Variants in INSL6 observed in about 807,000 individuals in gnomAD.
The protein encoded by INSL6 is insulin like 6.
In INSL6, 16 loss-of-function variants were observed where a neutral mutation model predicts 9.4. The observed-to-expected ratio is 1.70, with a 90% CI of 1.15 to 2.59. INSL6 has a LOEUF of 2.59. Among genes scored for constraint, INSL6 ranks in the 30% most tolerant of loss-of-function variants. The pLI is 0.00. For synonymous variants in INSL6, 154 were observed against 96.9 expected (o/e 1.59, Z -3.46); for missense variants, 391 against 257.3 (o/e 1.52, Z -3.56).
chr9:5,034,885 T>C, the INSL6 span, among the ~76,000 whole-genome samples: 1 of 151,686 alleles, frequency 6.6e-6, no homozygotes, highest in East Asian at 1.9e-4. Context: ...ATAACTGAGA[T>C]CAGAGCAGAA....
the INSL6 span, chr9:5,112,846 G>A: frequency 2.4e-5 from 12 of 507,822 alleles, no homozygotes; most frequent in Admixed American, 3.9e-5. Context: ...CTGGGCACGT[G>A]TGAAAGGTAC....
the INSL6 span, chr9:5,090,544 C>G: frequency 6.3e-7 from 1 of 1,592,956 alleles, no homozygotes. Context: ...CATAAAACTT[C>G]TGCAGTACAC....
At chr9:5,122,940 C>T, downstream of INSL6, 2 of 932,134 alleles carry the variant, frequency 2.1e-6, no homozygotes, top group Non-Finnish European at 3.3e-6. Context: ...CAATGATTTG[C>T]AGGTAAAATC....
chr9:5,130,701 C>CT (rs780200169), intron 3 of INSL6, among the ~76,000 whole-genome samples: 4 of 150,462 alleles, frequency 2.7e-5, no homozygotes, highest in African/African-American at 7.3e-5. Flanking sequence ...TATGAATTTT[C>CT]TTTTTTTTAT....
the INSL6 span, among the ~76,000 whole-genome samples, chr9:5,079,510 A>G: frequency 3.4e-5 from 5 of 148,258 alleles, no homozygotes; most frequent in African/African-American, 1.2e-4. Context: ...TTTTTTTTTT[A>G]TCTGCAAGTG....
the INSL6 span, among the ~76,000 whole-genome samples, chr9:5,077,266 G>T: frequency 6.7e-4 from 101 of 150,472 alleles, no homozygotes; most frequent in African/African-American, 2.4e-3. Context: ...TACTCTTGCT[G>T]TTGTAAGTAA....
chr9:5,027,779 C>T, the INSL6 span, among the ~76,000 whole-genome samples: 1 of 152,134 alleles, frequency 6.6e-6, no homozygotes, highest in Non-Finnish European at 1.5e-5. Flanking sequence ...CTCAAGAAAC[C>T]ACTTTCTTTG....
chr9:5,022,107 G>A, the INSL6 span: 1 of 1,613,830 alleles, frequency 6.2e-7, no homozygotes, highest in Non-Finnish European at 8.5e-7. Flanking sequence ...CAGTTCTTCA[G>A]GTGTATCTTT....
At chr9:5,161,311 A>C (rs1020721814), downstream of INSL6, among the ~76,000 whole-genome samples, 18 of 152,240 alleles carry the variant, frequency 1.2e-4, no homozygotes, top group African/African-American at 4.3e-4. Flanking sequence ...ATCTATCAAG[A>C]GAATGAAGGA....
At chr9:5,111,651 C>T in the INSL6 span, 2 of 391,790 alleles carry the variant, frequency 5.1e-6, no homozygotes, top group East Asian at 1.4e-4. Context: ...TGCCCCTCGT[C>T]CCTCCCGCCC....
the INSL6 span, among the ~76,000 whole-genome samples, chr9:5,036,134 G>A: frequency 6.6e-6 from 1 of 152,158 alleles, no homozygotes; most frequent in Non-Finnish European, 1.5e-5. Context: ...ATTCACAATT[G>A]CTTCAAAGAG....
the INSL6 span, among the ~76,000 whole-genome samples, chr9:5,009,651 A>G: frequency 1.3e-5 from 2 of 152,104 alleles, no homozygotes; most frequent in African/African-American, 4.8e-5. Context: ...CCCCTGCCCC[A>G]TCCCCATCCT....
At chr9:4,995,135 G>A in the INSL6 span, among the ~76,000 whole-genome samples, 1 of 152,150 alleles carries the variant, frequency 6.6e-6, no homozygotes, top group African/African-American at 2.4e-5. Context: ...GTGAAAAATA[G>A]AATCTCATTA....
chr9:5,150,846 G>GACACACACACACAC (rs59479266), intron 2 of INSL6, among the ~76,000 whole-genome samples: 22 of 146,396 alleles, frequency 1.5e-4, no homozygotes, highest in African/African-American at 4.5e-4. Context: ...GGATAAAGGA[G>GACACACACACACAC]ACACACACAC....
At chr9:5,179,573 A>C (rs1331266964) in intron 1 of INSL6, among the ~76,000 whole-genome samples, 5 of 152,248 alleles carry the variant, frequency 3.3e-5, no homozygotes, top group Admixed American at 2.0e-4. Context: ...TATTCACAAT[A>C]GCAAAGACAT....
chr9:5,100,730 CACGATT>C, the INSL6 span: 2 of 152,218 alleles, frequency 1.3e-5, no homozygotes, highest in South Asian at 2.1e-4. Context: ...CACTATCCAT[CACGATT>C]ACCTTAGGTA....
At chr9:5,122,281 C>T (rs1458106993), downstream of INSL6, among the ~76,000 whole-genome samples, 1 of 152,098 alleles carries the variant, frequency 6.6e-6, no homozygotes, top group Non-Finnish European at 1.5e-5. Flanking sequence ...CCAAAACGTT[C>T]CCTTGGATAG....
At chr9:5,003,864 T>A in the INSL6 span, among the ~76,000 whole-genome samples, 7 of 152,058 alleles carry the variant, frequency 4.6e-5, no homozygotes, top group African/African-American at 1.7e-4. Context: ...GTGAGGAAGT[T>A]TGCTTTTATT....
the INSL6 span, among the ~76,000 whole-genome samples, chr9:5,002,689 A>T: frequency 9.0e-3 from 1,363 of 151,934 alleles, 16 homozygotes; most frequent in African/African-American, 0.031. Flanking sequence ...GATTAAAAAA[A>T]TTTTTTTTGT....
Sources: allele counts gnomAD v4.1 joint callset (sites outside exome capture counted in the v4.1 genomes callset), GRCh38; gene constraint gnomAD v4.1.1; transcripts MANE v1.5; gene names NCBI Gene and HGNC (gene_info 2026-07-23, HGNC 2026-07-21).